Variants in NATD1 observed in about 807,000 individuals in gnomAD.
NATD1 encodes N-acetyltransferase domain containing 1, also known as protein NATD1.
NATD1 carries 9 observed loss-of-function variants against 12.0 expected under a neutral mutation model. The observed-to-expected ratio is 0.75, with a 90% CI of 0.45 to 1.30. The LOEUF is 1.30. NATD1 is among the 50% of genes most tolerant of loss of function. The pLI is 0.00. For missense variants in NATD1, 148 were observed against 148.5 expected (o/e 1.00, Z 0.02); for synonymous variants, 71 against 65.9 (o/e 1.08, Z -0.37).
At chr17:21,248,344 A>G (rs1975344837) in intron 1 of NATD1, among the ~76,000 whole-genome samples, 1 of 152,170 alleles carries the variant, frequency 6.6e-6, no homozygotes, top group Non-Finnish European at 1.5e-5. Flanking sequence ...AGCTTGACCA[A>G]GGTCCTTGGC....
At chr17:21,249,847 T>C (rs1975359886) in intron 1 of NATD1, among the ~76,000 whole-genome samples, 1 of 152,136 alleles carries the variant, frequency 6.6e-6, no homozygotes, top group African/African-American at 2.4e-5. Flanking sequence ...TGCGCCTTGG[T>C]TTCCCCATCT....
At position 21,244,672 on chromosome 17, in the gene NATD1, C is replaced by T. The variant is rs113192894; in HGVS notation, c.107-448G>A. Among the ~76,000 whole-genome samples, 969 of 152,260 alleles carry T rather than the reference C, an allele frequency of 6.4e-3. 15 individuals carry two copies. The highest frequency in any genetic ancestry group is 0.022 in the African/African-American group (896 of 41,532). On this transcript the variant is annotated intron_variant, in intron 1 of 2. Coordinates refer to ENST00000611551, the MANE Select transcript of NATD1 (RefSeq NM_152914.3). This position sits in a 1 kb window ranked among gnomAD's most constrained non-coding sequence, Gnocchi z 5.2. ...TGAAGAGATTAGAGAGGCAGCGCTG[C>T]GCCACGCATCAGGACCACCTGCTGG...
Position 21,253,149 on chromosome 17 carries a change from G to T in NATD1, c.106+10C>A. The T allele has an allele frequency of 9.8e-7, 1 of 1,018,072 alleles. No homozygotes were observed. Among genetic ancestry groups the T allele is most frequent in the Non-Finnish European group, 1.2e-6 (1 of 852,158 alleles). The allele number at this position is 1,018,072 out of a possible 1,614,324, so 63.1% of individuals were successfully genotyped here. On this transcript the variant is annotated intron_variant, in intron 1 of 2. Transcript: ENST00000611551. ...AGACAAAAGGTCGGGGCGGGCCGGG[G>T]CCGCCTTACCGTTGAGCCGGACAGT...
At chr17:21,249,449 C>A (rs904680392) in intron 1 of NATD1, among the ~76,000 whole-genome samples, 1 of 152,184 alleles carries the variant, frequency 6.6e-6, no homozygotes. Context: ...CCAGAGGACC[C>A]TGGTCCAGCC....
rs1597786583 is a variant in NATD1, at chr17:21,253,365, T to A, written c.-101A>T. The A allele has an allele frequency of 1.8e-5, 6 of 331,690 alleles. 1 individual carries two copies. The South Asian group carries it at 5.7e-4, about 32-fold the overall frequency. The allele number at this position is 331,690 out of a possible 1,614,324, so 20.5% of individuals were successfully genotyped here. On this transcript the variant is annotated 5_prime_UTR_variant, in exon 1 of 3. Transcript: ENST00000611551. ...GAGCGCGGGCGCAGGCGGCAGGCGG[T>A]GGGGTAGTTACGGCCTGGGAGACCG...
intron 1 of NATD1, among the ~76,000 whole-genome samples, chr17:21,251,701 G>T (rs1597785971): frequency 6.6e-6 from 1 of 152,232 alleles, no homozygotes; most frequent in African/African-American, 2.4e-5. Context: ...CATTCCAAAT[G>T]GCATCGGAGA....
chr17:21,246,438 C>T (rs932708662), intron 1 of NATD1, among the ~76,000 whole-genome samples: 10 of 150,238 alleles, frequency 6.7e-5, no homozygotes, highest in Non-Finnish European at 1.0e-4. Flanking sequence ...CACTTGAACC[C>T]GGGAGGCAGA....
chr17:21,249,324 C>A (rs1216314338), intron 1 of NATD1, among the ~76,000 whole-genome samples: 1 of 152,202 alleles, frequency 6.6e-6, no homozygotes, highest in African/African-American at 2.4e-5. Flanking sequence ...GCTTTTCTGG[C>A]ACCTCTGTAA....
chr17:21,247,254 C>T (rs2144363422), intron 1 of NATD1, among the ~76,000 whole-genome samples: 1 of 152,338 alleles, frequency 6.6e-6, no homozygotes, highest in East Asian at 1.9e-4. Context: ...AAATGTTTGT[C>T]CAACTAAAAC....
At chr17:21,247,214 C>T (rs1364320928) in intron 1 of NATD1, among the ~76,000 whole-genome samples, 1 of 152,222 alleles carries the variant, frequency 6.6e-6, no homozygotes, top group African/African-American at 2.4e-5. Flanking sequence ...TACCATATTC[C>T]AGGCACCCAG....
Position 21,241,836 on chromosome 17 carries a change from G to C in NATD1, c.*1477C>G, listed in dbSNP as rs1975276455. On this transcript the variant is annotated 3_prime_UTR_variant, in exon 3 of 3. Transcript: ENST00000611551. The stretch of plus-strand genomic sequence containing the variant: ...AGGCCCCTGGGCTGCTGTTGCTGGA[G>C]AAGGAATGTGGGGGGTCTCGGTGCC... 1 of 152,676 alleles carries C rather than the reference G, an allele frequency of 6.5e-6. No homozygotes were observed. Among genetic ancestry groups the C allele is most frequent in the Non-Finnish European group, 1.5e-5 (1 of 68,464 alleles). 9.5% of individuals were successfully genotyped at this position (152,676 alleles called of 1,614,324 possible).
At chr17:21,248,342 C>G (rs184616367) in intron 1 of NATD1, among the ~76,000 whole-genome samples, 1 of 152,332 alleles carries the variant, frequency 6.6e-6, no homozygotes, top group Non-Finnish European at 1.5e-5. Context: ...AAAGCTTGAC[C>G]AAGGTCCTTG....
In NATD1 at chr17:21,248,858, A is replaced by G. The variant is rs77642041; in HGVS notation, c.106+4301T>C. 8.7e-3 allele frequency among the ~76,000 whole-genome samples: 1,319 copies of G among 152,084 alleles called. 21 individuals are homozygous for G. Among genetic ancestry groups the G allele is most frequent in the Middle Eastern group, 0.031 (9 of 294 alleles). On this transcript the variant is annotated intron_variant, in intron 1 of 2. Coordinates refer to ENST00000611551, the MANE Select transcript of NATD1 (RefSeq NM_152914.3). Reference sequence around the variant, plus strand: ...GCCAGGTGATCTTATGCCAGTCCTGACACCCCTCTGCCCCAGAGACCTCAC... The same window carrying G: ...GCCAGGTGATCTTATGCCAGTCCTGGCACCCCTCTGCCCCAGAGACCTCAC...
intron 1 of NATD1, among the ~76,000 whole-genome samples, chr17:21,251,430 C>T (rs1476523221): frequency 2.6e-5 from 4 of 152,144 alleles, no homozygotes; most frequent in Non-Finnish European, 5.9e-5. Flanking sequence ...AGGCCTCTCT[C>T]CCAGAGTCGC....
At chr17:21,250,622 T>C (rs1975366698) in intron 1 of NATD1, among the ~76,000 whole-genome samples, 1 of 152,104 alleles carries the variant, frequency 6.6e-6, no homozygotes, top group African/African-American at 2.4e-5. Context: ...TCATTTCACT[T>C]CCCCATGCCT....
At position 21,248,883 on chromosome 17, in the gene NATD1, C is replaced by T. The variant is rs115886022; in HGVS notation, c.106+4276G>A. Among the ~76,000 whole-genome samples, 571 of 152,292 alleles carry T rather than the reference C, an allele frequency of 3.7e-3. 5 individuals are homozygous for T. The highest frequency in any genetic ancestry group is 0.013 in the African/African-American group (557 of 41,564). On this transcript the variant is annotated intron_variant, in intron 1 of 2. Coordinates refer to ENST00000611551, the MANE Select transcript of NATD1 (RefSeq NM_152914.3). Reference sequence around the variant, plus strand: ...ACACCCCTCTGCCCCAGAGACCTCACCTGTCCCTGGATGATCACTACCACC... The same window carrying T: ...ACACCCCTCTGCCCCAGAGACCTCATCTGTCCCTGGATGATCACTACCACC...
intron 1 of NATD1, 141 bp downstream of exon 1, chr17:21,253,018 C>T: frequency 3.5e-6 from 1 of 287,156 alleles, no homozygotes. Flanking sequence ...CCCCGCGGCG[C>T]GCGCTTGCAA....
At chr17:21,251,448 C>T (rs1274617780) in intron 1 of NATD1, among the ~76,000 whole-genome samples, 1 of 152,284 alleles carries the variant, frequency 6.6e-6, no homozygotes, top group East Asian at 1.9e-4. Flanking sequence ...CGCCAGGGCC[C>T]CGAGTGTCCT....
At position 21,253,280 on chromosome 17, in the gene NATD1, CGGCGCGGCGCCGGCGGGGGCCGG is replaced by C. The variant is rs1286929016; in HGVS notation, c.-39_-17del. On this transcript the variant is annotated 5_prime_UTR_variant, in exon 1 of 3. Transcript: ENST00000611551. ...AGTGCGCCATCTGCGCGCGGGGCTGCGGCGCGGCGCCGGCGGGGGCCGGGGCGCGCGGGGAAAGGTCAGGCGCG... is the reference window on the plus strand; with the variant it reads ...AGTGCGCCATCTGCGCGCGGGGCTGCGGCGCGCGGGGAAAGGTCAGGCGCG... The C allele has an allele frequency of 2.0e-6, 2 of 976,072 alleles. No homozygotes were observed. Among genetic ancestry groups the C allele is most frequent in the East Asian group, 1.1e-4 (1 of 8,904 alleles). 60.5% of individuals were successfully genotyped at this position (976,072 alleles called of 1,614,324 possible). A position where few individuals can be genotyped will look rare whatever the true frequency, so the allele number is the denominator to read the frequency against.
Sources: allele counts gnomAD v4.1 joint callset (sites outside exome capture counted in the v4.1 genomes callset), GRCh38; gene constraint gnomAD v4.1.1; non-coding constraint Gnocchi (gnomAD v3.1); transcripts MANE v1.5; gene names NCBI Gene and HGNC (gene_info 2026-07-23, HGNC 2026-07-21).